PTPRD: variants seen among roughly 807,000 people sequenced by gnomAD.
PTPRD encodes receptor-type tyrosine-protein phosphatase delta.
PTPRD carries 34 observed loss-of-function variants against 214.5 expected under a neutral mutation model. The ratio of observed to expected loss-of-function variants is 0.16; its 90% CI spans 0.12 to 0.21. The LOEUF is 0.21. PTPRD is among the 10% of genes least tolerant of loss of function. The probability of loss-of-function intolerance (pLI) is 1.00; values close to 1 mark genes in which losing one functional copy is unlikely to be tolerated. For missense variants in PTPRD, 2,545 were observed against 2,398.7 expected (o/e 1.06, Z -1.27); for synonymous variants, 1,128 against 845.7 (o/e 1.33, Z -5.79).
At chr9:9,741,447 G>A (rs2098400660) in intron 6 of PTPRD, among the ~76,000 whole-genome samples, 1 of 57,396 alleles carries the variant, frequency 1.7e-5, no homozygotes. Flanking sequence ...CGTTTGAGTT[G>A]GCTTTTTTTT....
At chr9:10,468,147 C>A (rs1425870679) in intron 2 of PTPRD, among the ~76,000 whole-genome samples, 2 of 152,160 alleles carry the variant, frequency 1.3e-5, no homozygotes, top group Non-Finnish European at 2.9e-5. Context: ...CATCCTGTTA[C>A]TGGGTATATA....
chr9:9,165,760 T>C (rs1412930423), intron 10 of PTPRD, among the ~76,000 whole-genome samples: 1 of 152,312 alleles, frequency 6.6e-6, no homozygotes, highest in African/African-American at 2.4e-5. Flanking sequence ...CAATAGTCAA[T>C]GTGTGATATT....
chr9:9,197,602 A>G (rs10435821), intron 9 of PTPRD, among the ~76,000 whole-genome samples: 113,417 of 152,064 alleles, frequency 0.75, 42,706 homozygotes, highest in African/African-American at 0.8. Flanking sequence ...GTAGAGATGG[A>G]GTTTCACCAT....
At chr9:8,806,830 CCT>C (rs2096693732) in intron 11 of PTPRD, among the ~76,000 whole-genome samples, 1 of 152,152 alleles carries the variant, frequency 6.6e-6, no homozygotes, top group African/African-American at 2.4e-5. Context: ...AAACACACTC[CCT>C]CCACTTGGCT....
chr9:8,649,467 G>A (rs2096761557), intron 12 of PTPRD, among the ~76,000 whole-genome samples: 1 of 152,208 alleles, frequency 6.6e-6, no homozygotes, highest in South Asian at 2.1e-4. Flanking sequence ...TTTGGGAAGT[G>A]AAAGTAGCTA....
intron 5 of PTPRD, among the ~76,000 whole-genome samples, chr9:9,851,492 T>C (rs1420362767): frequency 2.0e-5 from 3 of 152,372 alleles, no homozygotes; most frequent in East Asian, 1.9e-4. Flanking sequence ...CTGCAGGGCC[T>C]AAAGATTCAC....
intron 12 of PTPRD, among the ~76,000 whole-genome samples, chr9:8,689,792 G>A (rs2097765543): frequency 6.6e-6 from 1 of 152,056 alleles, no homozygotes; most frequent in African/African-American, 2.4e-5. Flanking sequence ...GAGTGAAGAG[G>A]GAATACTTAT....
intron 9 of PTPRD, among the ~76,000 whole-genome samples, chr9:9,390,373 A>G (rs1236993982): frequency 6.6e-6 from 1 of 152,074 alleles, no homozygotes; most frequent in Non-Finnish European, 1.5e-5. Flanking sequence ...CTTTTAATAT[A>G]CTTATTAAGA....
At chr9:10,084,895 C>T (rs2098306447) in intron 3 of PTPRD, among the ~76,000 whole-genome samples, 1 of 151,870 alleles carries the variant, frequency 6.6e-6, no homozygotes, top group Non-Finnish European at 1.5e-5. Context: ...CCCTAGCATA[C>T]ATAGAAGATC....
intron 19 of PTPRD, among the ~76,000 whole-genome samples, chr9:8,522,161 G>C (rs1221803043): frequency 2.0e-5 from 3 of 152,186 alleles, no homozygotes; most frequent in African/African-American, 4.8e-5. Context: ...TTGATTTACA[G>C]TCACAGAAGA....
chr9:9,439,742 A>T (rs1325585192), intron 8 of PTPRD, among the ~76,000 whole-genome samples: 1 of 152,236 alleles, frequency 6.6e-6, no homozygotes, highest in Non-Finnish European at 1.5e-5. Context: ...ATCACTGTGA[A>T]GACGAAGAGC....
intron 2 of PTPRD, among the ~76,000 whole-genome samples, chr9:10,457,476 G>C (rs1022014447): frequency 3.3e-5 from 5 of 151,976 alleles, no homozygotes; most frequent in Admixed American, 6.6e-5. Context: ...ACGTGTATTA[G>C]TAGTGTAGCA....
At chr9:9,064,648 G>A (rs10816043) in intron 10 of PTPRD, among the ~76,000 whole-genome samples, 51,610 of 152,048 alleles carry the variant, frequency 0.34, 10,204 homozygotes, top group East Asian at 0.66. Flanking sequence ...CTTTAAAGAT[G>A]ACTGAGACTC....
chr9:9,388,890 G>GA (rs890003148), intron 9 of PTPRD, among the ~76,000 whole-genome samples: 18 of 151,118 alleles, frequency 1.2e-4, no homozygotes, highest in African/African-American at 2.9e-4. Context: ...CCAGTCTCCT[G>GA]AAAAAAAAAT....
chr9:10,498,254 G>C (rs1203356687), intron 2 of PTPRD, among the ~76,000 whole-genome samples: 1 of 151,908 alleles, frequency 6.6e-6, no homozygotes, highest in Non-Finnish European at 1.5e-5. Flanking sequence ...TTAAAATGAA[G>C]TTATGACTTC....
At chr9:10,251,962 T>C (rs548872463) in intron 3 of PTPRD, among the ~76,000 whole-genome samples, 7 of 152,246 alleles carry the variant, frequency 4.6e-5, no homozygotes, top group African/African-American at 1.7e-4. Context: ...TATTTCAAAG[T>C]TTCTAAAAGA....
At chr9:9,761,134 G>A (rs779367502) in intron 6 of PTPRD, among the ~76,000 whole-genome samples, 5 of 152,136 alleles carry the variant, frequency 3.3e-5, no homozygotes, top group Non-Finnish European at 5.9e-5. Flanking sequence ...ACAAAAACTG[G>A]AATCAGCCCA....
chr9:10,123,178 G>T (rs571892090), intron 3 of PTPRD, among the ~76,000 whole-genome samples: 5 of 152,338 alleles, frequency 3.3e-5, no homozygotes, highest in African/African-American at 9.6e-5. Context: ...AAAAGATATT[G>T]AGAAAGGGGA....
chr9:10,272,288 G>A (rs183877530), intron 3 of PTPRD, among the ~76,000 whole-genome samples: 10 of 152,090 alleles, frequency 6.6e-5, no homozygotes, highest in African/African-American at 2.4e-4. Flanking sequence ...TCAGCACTTC[G>A]CTTTTTATTG....
Sources: gnomAD v4.1 joint callset for allele counts (sites outside exome capture counted in the v4.1 genomes callset) on GRCh38, gnomAD v4.1.1 for gene constraint, MANE v1.5 for transcripts, NCBI Gene and HGNC (gene_info 2026-07-23, HGNC 2026-07-21) for gene names.